Variants in SPTBN4 observed in about 807,000 individuals in gnomAD.
SPTBN4 encodes spectrin beta, non-erythrocytic 4.
A neutral mutation model predicts 277.8 loss-of-function variants in SPTBN4; 96 were observed. That is an observed-to-expected ratio of 0.35 (90% CI 0.29 to 0.41). The LOEUF (loss-of-function observed/expected upper bound fraction) is 0.41, where lower values mean the gene tolerates loss of function less well. Ranked by LOEUF, SPTBN4 falls within the 10% of genes least tolerant of loss-of-function variation. SPTBN4 has a pLI of 1.00. For synonymous variants in SPTBN4, 1,481 were observed against 1,580.3 expected, an observed-to-expected ratio of 0.94 and a Z score of 1.49; for missense variants, 3,006 against 3,595.7, an observed-to-expected ratio of 0.84 and a Z score of 4.19.
chr19:40,556,547 C>T (rs2080981129), intron 25 of SPTBN4, among the ~76,000 whole-genome samples: 2 of 151,876 alleles, frequency 1.3e-5, no homozygotes, highest in African/African-American at 4.8e-5. Context: ...TGTTACTATT[C>T]TTGCCAGGTG....
chr19:40,540,834 A>G (rs1599783481), intron 20 of SPTBN4, among the ~76,000 whole-genome samples: 1 of 151,448 alleles, frequency 6.6e-6, no homozygotes, highest in African/African-American at 2.4e-5. Flanking sequence ...AAAAAAAAAA[A>G]AAAAAAGAAA....
intron 18 of SPTBN4, among the ~76,000 whole-genome samples, chr19:40,531,488 T>G (rs1209301985): frequency 1.8e-5 from 2 of 108,808 alleles, no homozygotes; most frequent in South Asian, 3.0e-4. Context: ...TTTTTTTTTT[T>G]TTTTTTTTTT....
Position 40,550,445 on chromosome 19 carries a change from T to C in SPTBN4, c.4674+118T>C, listed in dbSNP as rs1337988193. 4.7e-6 allele frequency: 4 copies of C among 854,472 alleles called. No homozygotes were observed. The African/African-American group carries it at 6.6e-5, about 14-fold the overall frequency. The allele number at this position is 854,472 out of a possible 1,614,324, so 52.9% of individuals were successfully genotyped here. On this transcript the variant is annotated intron_variant, in intron 22 of 35. Coordinates refer to ENST00000598249, the MANE Select transcript of SPTBN4 (RefSeq NM_020971.3). ...TTGGCTTTTGGAATTAACAAGACTG[T>C]GGACAGCAGATACAGATGTATCCAG...
rs375981887 is a variant in SPTBN4, at chr19:40,560,121, C to T, written c.5671-38C>T. ...TGGGAGGGAGGGCACAGCCTGGGCCCCGTGGAGGGCTGGCGCCCGACCTGG... is the reference window on the plus strand; with the variant it reads ...TGGGAGGGAGGGCACAGCCTGGGCCTCGTGGAGGGCTGGCGCCCGACCTGG... On this transcript the variant is annotated intron_variant, in intron 26 of 35. Coordinates refer to ENST00000598249, the MANE Select transcript of SPTBN4 (RefSeq NM_020971.3). The surrounding 1 kb of genome is among the most constrained non-coding windows in gnomAD (Gnocchi z 5.2). 125 of 1,550,654 alleles carry T rather than the reference C, an allele frequency of 8.1e-5. 1 individual carries two copies. The Middle Eastern group carries it at 1.2e-3, about 15-fold the overall frequency.
chr19:40,544,470 G>T (rs2080837746), intron 20 of SPTBN4, among the ~76,000 whole-genome samples: 2 of 74,182 alleles, frequency 2.7e-5, no homozygotes, highest in East Asian at 3.5e-4. Context: ...TTTTTGAGAT[G>T]GAGTTTTGCT....
At chr19:40,522,907 G>A (rs1157512614) in intron 16 of SPTBN4, among the ~76,000 whole-genome samples, 2 of 151,992 alleles carry the variant, frequency 1.3e-5, no homozygotes. Context: ...CAAGGCAGGT[G>A]GATTACCTGC....
chr19:40,573,005 G>T (rs890305728), intron 35 of SPTBN4, among the ~76,000 whole-genome samples: 1 of 151,618 alleles, frequency 6.6e-6, no homozygotes. Flanking sequence ...GACAGTGGGG[G>T]TCTAAAAAAA....
At chr19:40,528,308 G>A (rs114852988) in intron 17 of SPTBN4, among the ~76,000 whole-genome samples, 91 of 152,282 alleles carry the variant, frequency 6.0e-4, no homozygotes, top group African/African-American at 2.1e-3. Flanking sequence ...GGTCCCAGCC[G>A]GCTCCAGAGT....
chr19:40,527,971 G>A (rs541015211), intron 17 of SPTBN4, among the ~76,000 whole-genome samples: 11 of 149,300 alleles, frequency 7.4e-5, no homozygotes, highest in African/African-American at 2.3e-4. Context: ...CCGGAGAATC[G>A]CTTGAACCTG....
In SPTBN4 at chr19:40,503,899, A is replaced by G. The variant is rs757172817; in HGVS notation, c.1432A>G (p.Ile478Val). 1.2e-6 allele frequency: 2 copies of G among 1,612,932 alleles called. No individual in the cohort carries two copies. ...GAAACACGAAGCGATCGAGGCAGACATTGCGGCCTACGAGGAGCGGGTGCA... is the reference window on the plus strand; with the variant it reads ...GAAACACGAAGCGATCGAGGCAGACGTTGCGGCCTACGAGGAGCGGGTGCA... The part of the protein sequence containing the change: ...MKKHEAIEAD[I>V]AAYEERVQGV... Residue 478 changes from isoleucine to valine, a missense_variant, in exon 12 of 36, where the codon ATT becomes GTT. Transcript: ENST00000598249.
chr19:40,554,799 G>A lies in SPTBN4; in HGVS notation c.5084+153G>A. The A allele has an allele frequency of 8.6e-7, 1 of 1,166,192 alleles. No homozygotes were observed. Among genetic ancestry groups the A allele is most frequent in the Non-Finnish European group, 1.2e-6 (1 of 821,590 alleles). 72.2% of individuals were successfully genotyped at this position (1,166,192 alleles called of 1,614,324 possible). ...CTCGAATTTGGCAAGTGGGCGGGCC[G>A]GAATGGGGGGACACGGCTCAGGGAT... is the stretch of plus-strand genomic sequence containing the variant. On this transcript the variant is annotated intron_variant, in intron 24 of 35. Coordinates refer to ENST00000598249, the MANE Select transcript of SPTBN4 (RefSeq NM_020971.3). The surrounding 1 kb of genome is among the most constrained non-coding windows in gnomAD (Gnocchi z 5.7).
chr19:40,480,801 G>A (rs1291204734), intron 2 of SPTBN4, among the ~76,000 whole-genome samples: 1 of 152,166 alleles, frequency 6.6e-6, no homozygotes, highest in Admixed American at 6.6e-5. Context: ...GGTGGCTCAT[G>A]CCTGTAATCC....
chr19:40,483,042 C>A (rs551111307), intron 2 of SPTBN4, among the ~76,000 whole-genome samples: 1 of 151,924 alleles, frequency 6.6e-6, no homozygotes, highest in Non-Finnish European at 1.5e-5. Flanking sequence ...ACACCCCTAC[C>A]TCTCTCAAGT....
intron 14 of SPTBN4, among the ~76,000 whole-genome samples, chr19:40,514,306 T>C (rs2080429116): frequency 6.6e-6 from 1 of 152,190 alleles, no homozygotes; most frequent in Non-Finnish European, 1.5e-5. Context: ...TTTGAAACAT[T>C]GATTTAAAGA....
chr19:40,552,549 C>T (rs538147765), intron 22 of SPTBN4, among the ~76,000 whole-genome samples: 2 of 151,800 alleles, frequency 1.3e-5, no homozygotes, highest in Non-Finnish European at 2.9e-5. Context: ...AATTTAATCC[C>T]CTCTATAACC....
At chr19:40,569,354 G>A (rs2081127124) in intron 31 of SPTBN4, among the ~76,000 whole-genome samples, 2 of 150,846 alleles carry the variant, frequency 1.3e-5, no homozygotes, top group Admixed American at 1.3e-4. Context: ...CAACACAGGA[G>A]GCAGAGGTTG....
intron 24 of SPTBN4, among the ~76,000 whole-genome samples, chr19:40,555,703 G>A (rs1275115148): frequency 1.3e-5 from 2 of 151,794 alleles, no homozygotes; most frequent in Non-Finnish European, 2.9e-5. Flanking sequence ...CAGGAGGATC[G>A]TTTGAGCCCA....
chr19:40,489,382 C>T (rs2080111020), intron 3 of SPTBN4, among the ~76,000 whole-genome samples: 1 of 151,434 alleles, frequency 6.6e-6, no homozygotes, highest in Admixed American at 6.6e-5. Context: ...GGGTGTGACG[C>T]GGAGTTTTTG....
At chr19:40,516,453 T>C (rs2145871840) in intron 15 of SPTBN4, among the ~76,000 whole-genome samples, 1 of 151,904 alleles carries the variant, frequency 6.6e-6, no homozygotes, top group East Asian at 1.9e-4. Flanking sequence ...CAGGTGCATA[T>C]CACCATGCCC....
Sources: allele counts gnomAD v4.1 joint callset (sites outside exome capture counted in the v4.1 genomes callset), GRCh38; gene constraint gnomAD v4.1.1; non-coding constraint Gnocchi (gnomAD v3.1); transcripts MANE v1.5; gene names NCBI Gene and HGNC (gene_info 2026-07-23, HGNC 2026-07-21).